RIC3: variants seen among roughly 807,000 people sequenced by gnomAD.
RIC3 encodes protein RIC-3.
RIC3 carries 28 observed loss-of-function variants against 27.3 expected under a neutral mutation model. The observed-to-expected ratio is 1.02, with a 90% CI of 0.76 to 1.41. RIC3 has a LOEUF of 1.41. RIC3 is among the 40% of genes most tolerant of loss of function. The pLI is 0.00. For synonymous variants in RIC3, 184 were observed against 160.4 expected (o/e 1.15, Z -1.11); for missense variants, 501 against 444.7 (o/e 1.13, Z -1.14).
Position 8,132,963 on chromosome 11 carries a change from T to G in RIC3, c.521+4415A>C, listed in dbSNP as rs112765211. Among the ~76,000 whole-genome samples the G allele has an allele frequency of 6.3e-3, 963 of 152,318 alleles. 16 individuals carry two copies. Among genetic ancestry groups the G allele is most frequent in the African/African-American group, 0.022 (915 of 41,576 alleles). ...GGGAAAACATGTAGAAACATGGTGCTATGGTTTGAATATTTGTCTCCTCCT... is the reference window on the plus strand; with the variant it reads ...GGGAAAACATGTAGAAACATGGTGCGATGGTTTGAATATTTGTCTCCTCCT... On this transcript the variant is annotated intron_variant, in intron 4 of 5. Coordinates refer to ENST00000309737, the MANE Select transcript of RIC3 (RefSeq NM_001206671.4).
chr11:8,102,561 A>G (rs1283199995), downstream of RIC3: 1 of 152,162 alleles, frequency 6.6e-6, no homozygotes, highest in Admixed American at 6.5e-5. Context: ...GCTGCCAGAG[A>G]ACCATTCCCA....
chr11:8,094,297 C>G, the RIC3 span: 2 of 1,378,016 alleles, frequency 1.5e-6, no homozygotes, highest in African/African-American at 1.5e-5. Flanking sequence ...TGAACAGCCT[C>G]AGGGAAGACA....
intron 2 of RIC3, 68 bp from the exon 3 acceptor site, chr11:8,138,415 C>T (rs1300361692): frequency 2.4e-6 from 2 of 819,142 alleles, no homozygotes; most frequent in Non-Finnish European, 3.7e-6. Flanking sequence ...CCCCTCATAT[C>T]AAACAAAAAA....
the RIC3 span, among the ~76,000 whole-genome samples, chr11:8,100,310 T>A: frequency 1.1e-4 from 17 of 152,188 alleles, no homozygotes; most frequent in African/African-American, 3.1e-4. Flanking sequence ...GGATGACGCA[T>A]AAGAGGAGCT....
chr11:8,101,179 T>G (rs1190896492), downstream of RIC3, among the ~76,000 whole-genome samples: 1 of 152,192 alleles, frequency 6.6e-6, no homozygotes, highest in Non-Finnish European at 1.5e-5. Flanking sequence ...GAACCTTCTT[T>G]GCAGCCCTGG....
At chr11:8,098,687 C>A in the RIC3 span, 1 of 1,192,472 alleles carries the variant, frequency 8.4e-7, no homozygotes, top group Non-Finnish European at 1.2e-6. Flanking sequence ...CCTCATAGGA[C>A]AGACGATGAG....
In RIC3 at chr11:8,134,183, C is replaced by G. The variant is rs1590199546; in HGVS notation, c.521+3195G>C. Among the ~76,000 whole-genome samples, 7 of 152,206 alleles carry G rather than the reference C, an allele frequency of 4.6e-5. 1 individual carries two copies. Among genetic ancestry groups the G allele is most frequent in the Admixed American group, 4.6e-4 (7 of 15,274 alleles). ...ACAACAGGCCCCAGTGTGTGATGTT[C>G]CCCTTCCTGTGTCCAAGTGTTCTCA... On this transcript the variant is annotated intron_variant, in intron 4 of 5. Coordinates refer to ENST00000309737, the MANE Select transcript of RIC3 (RefSeq NM_001206671.4).
intron 1 of RIC3, among the ~76,000 whole-genome samples, chr11:8,150,797 T>C (rs1010321483): frequency 3.3e-5 from 5 of 152,148 alleles, no homozygotes; most frequent in South Asian, 2.1e-4. Context: ...TCTTGAGAAA[T>C]GGATGGCCAT....
chr11:8,095,543 A>G, the RIC3 span: 1 of 1,612,998 alleles, frequency 6.2e-7, no homozygotes, highest in Non-Finnish European at 8.5e-7. Flanking sequence ...TCTGAGGCCC[A>G]AGGCCCAGTG....
chr11:8,093,544 T>A, the RIC3 span, among the ~76,000 whole-genome samples: 1 of 152,294 alleles, frequency 6.6e-6, no homozygotes, highest in African/African-American at 2.4e-5. Context: ...TAGCTTCTTG[T>A]GTCCCAGAGT....
the RIC3 span, chr11:8,097,474 A>G: frequency 6.2e-7 from 1 of 1,611,210 alleles, no homozygotes; most frequent in Admixed American, 1.7e-5. Flanking sequence ...AGCCCTTTGA[A>G]ATCCTAGGGG....
chr11:8,121,972 G>C (rs190145675), intron 5 of RIC3, among the ~76,000 whole-genome samples: 105 of 152,110 alleles, frequency 6.9e-4, no homozygotes, highest in Middle Eastern at 3.4e-3. Context: ...CATGCACCTG[G>C]AGTCCCAGCT....
At chr11:8,135,454 T>C (rs1948278357) in intron 4 of RIC3, 1 of 152,240 alleles carries the variant, frequency 6.6e-6, no homozygotes, top group South Asian at 2.1e-4. Flanking sequence ...TAGGACTGAC[T>C]TGGCAATGTG....
In RIC3 at chr11:8,139,719, T is replaced by C. The variant is rs140946897; in HGVS notation, c.351+248A>G. ...TGGATTAAGAACCAAAAGATCCATG[T>C]TCAAGTCCTAGTTCTGCCTTGTTAG... On this transcript the variant is annotated intron_variant, in intron 2 of 5. Transcript: ENST00000309737. 8.8e-4 allele frequency: 387 copies of C among 438,996 alleles called. 1 individual carries two copies. Among genetic ancestry groups the C allele is most frequent in the Middle Eastern group, 4.9e-3 (8 of 1,638 alleles). 27.2% of individuals were successfully genotyped at this position (438,996 alleles called of 1,614,324 possible). A position where few individuals can be genotyped will look rare whatever the true frequency, so the allele number is the denominator to read the frequency against.
intron 1 of RIC3, 85 bp downstream of exon 1, chr11:8,168,781 G>A (rs1478143560): frequency 1.3e-6 from 2 of 1,512,726 alleles, no homozygotes; most frequent in East Asian, 5.0e-5. Context: ...GAAGGCTGCA[G>A]ACTCTCAGAG....
rs543071425 is a variant in RIC3 at position 8,115,552 on chromosome 11, A to G, written c.671-4415T>C. Among the ~76,000 whole-genome samples the G allele has an allele frequency of 3.9e-4, 59 of 152,292 alleles. No homozygotes were observed. In the South Asian group the frequency reaches 6.8e-3, roughly 18 times the overall value. ...GCTAGGTGCGGTGGCTAACGCCTGTAATCCCAGCACTTTGGGAGGCTGTGA... is the reference window on the plus strand; with the variant it reads ...GCTAGGTGCGGTGGCTAACGCCTGTGATCCCAGCACTTTGGGAGGCTGTGA... On this transcript the variant is annotated intron_variant, in intron 5 of 5. Transcript: ENST00000309737.
intron 1 of RIC3, among the ~76,000 whole-genome samples, chr11:8,165,713 C>CAAA (rs33913120): frequency 0.26 from 35,549 of 134,382 alleles, 4,462 homozygotes; most frequent in East Asian, 0.44. Context: ...AAGCTGTTAT[C>CAAA]AAAAAAAAAA....
At chr11:8,135,383 T>A (rs776334377) in intron 4 of RIC3, among the ~76,000 whole-genome samples, 17 of 152,228 alleles carry the variant, frequency 1.1e-4, no homozygotes, top group South Asian at 4.1e-4. Context: ...TTGGTTACTG[T>A]AGCCTTGTAG....
the RIC3 span, chr11:8,094,023 A>G: frequency 3.1e-6 from 5 of 1,613,884 alleles, no homozygotes; most frequent in South Asian, 5.5e-5. Flanking sequence ...CTCTCTCTCC[A>G]TCTGGGGATG....
Sources: allele counts gnomAD v4.1 joint callset (sites outside exome capture counted in the v4.1 genomes callset), GRCh38; gene constraint gnomAD v4.1.1; transcripts MANE v1.5; gene names NCBI Gene and HGNC (gene_info 2026-07-23, HGNC 2026-07-21).